The following TSPAN18 variants were observed in gnomAD, a reference collection of about 807,000 sequenced individuals.
TSPAN18 encodes tetraspanin-18.
A neutral mutation model predicts 27.3 loss-of-function variants in TSPAN18; 14 were observed. The ratio of observed to expected loss-of-function variants is 0.51; its 90% confidence interval spans 0.34 to 0.80. The LOEUF is 0.80. Among genes scored for constraint, TSPAN18 ranks in the 30% least tolerant of loss-of-function variants. The probability of loss-of-function intolerance (pLI) is 0.01; values close to 1 mark genes in which losing one functional copy is unlikely to be tolerated. For missense variants in TSPAN18, 268 were observed against 323.9 expected, an observed-to-expected ratio of 0.83 and a Z score of 1.32; for synonymous variants, 143 against 136.5, an observed-to-expected ratio of 1.05 and a Z score of -0.33.
rs377692266 is a variant in TSPAN18, at chr11:44,737,013, C to T, written c.-240+9726C>T. ...GTTTGGTTTTCCATGGAGCCTGCAGCGTGGAGCTCAGTGCCTGGGGTTGAA... is the reference window on the plus strand; with the variant it reads ...GTTTGGTTTTCCATGGAGCCTGCAGTGTGGAGCTCAGTGCCTGGGGTTGAA... On this transcript the variant is annotated intron_variant, in intron 1 of 9. Coordinates refer to ENST00000520358, the MANE Select transcript of TSPAN18 (RefSeq NM_130783.5). Among the ~76,000 whole-genome samples, 23 of 152,298 alleles carry T rather than the reference C, an allele frequency of 1.5e-4. No individual in the cohort carries two copies. In the South Asian group the frequency reaches 2.9e-3, roughly 19 times the overall value.
intron 1 of TSPAN18, among the ~76,000 whole-genome samples, chr11:44,738,709 G>T (rs1019311893): frequency 1.3e-5 from 2 of 152,120 alleles, no homozygotes; most frequent in Non-Finnish European, 2.9e-5. Context: ...ATTGGATTAG[G>T]ACCCTTTAAG....
chr11:44,772,351 G>A (rs958511872), intron 2 of TSPAN18, among the ~76,000 whole-genome samples: 1 of 152,052 alleles, frequency 6.6e-6, no homozygotes, highest in Non-Finnish European at 1.5e-5. Context: ...TAGAATAATG[G>A]CCAGAAAAGA....
At chr11:44,926,858 G>T in intron 9 of TSPAN18, 101 bp downstream of exon 9, 1 of 1,323,528 alleles carries the variant, frequency 7.6e-7, no homozygotes, top group Non-Finnish European at 1.1e-6. Context: ...TCCTTCACCT[G>T]GGACCCAAGG....
At chr11:44,912,088 C>T (rs1345393987) in intron 5 of TSPAN18, among the ~76,000 whole-genome samples, 1 of 151,694 alleles carries the variant, frequency 6.6e-6, no homozygotes, top group East Asian at 1.9e-4. Context: ...GCAGTGTGAT[C>T]TCAGCTCACT....
At chr11:44,802,650 G>A in intron 2 of TSPAN18, among the ~76,000 whole-genome samples, 1 of 124,882 alleles carries the variant, frequency 8.0e-6, no homozygotes, top group Non-Finnish European at 1.8e-5. Flanking sequence ...CTCTGGCAGG[G>A]TGGGCTCAAG....
chr11:44,819,497 C>T (rs962988993), intron 2 of TSPAN18, among the ~76,000 whole-genome samples: 2 of 152,140 alleles, frequency 1.3e-5, no homozygotes, highest in Non-Finnish European at 2.9e-5. Context: ...AATATTTTCA[C>T]ACATTTGCTC....
At chr11:44,825,424 G>A (rs1334581457) in intron 2 of TSPAN18, among the ~76,000 whole-genome samples, 1 of 152,172 alleles carries the variant, frequency 6.6e-6, no homozygotes, top group Non-Finnish European at 1.5e-5. Context: ...CTGGGTGGGA[G>A]CCCCGGTCAG....
chr11:44,846,824 C>T (rs902069233), intron 2 of TSPAN18, among the ~76,000 whole-genome samples: 1 of 152,198 alleles, frequency 6.6e-6, no homozygotes, highest in Non-Finnish European at 1.5e-5. Context: ...TCCTGCTGAA[C>T]ACAGGACTTG....
At chr11:44,801,513 A>C (rs1253489480) in intron 2 of TSPAN18, among the ~76,000 whole-genome samples, 1 of 152,242 alleles carries the variant, frequency 6.6e-6, no homozygotes, top group Non-Finnish European at 1.5e-5. Context: ...ATATCCATAT[A>C]GCATCCAGAG....
At position 44,779,745 on chromosome 11, in the gene TSPAN18, A is replaced by ACCTGTGCACACCTATCCACATG. The variant is rs1187242535; in HGVS notation, c.-153+15242_-153+15263dup. Among the ~76,000 whole-genome samples, 33 of 151,916 alleles carry ACCTGTGCACACCTATCCACATG rather than the reference A, an allele frequency of 2.2e-4. No homozygotes were observed. In the East Asian group the frequency reaches 6.0e-3, roughly 28 times the overall value. The stretch of plus-strand genomic sequence containing the variant: ...ATATATACCTGCACACCCCCCACAT[A>ACCTGTGCACACCTATCCACATG]CCTGTGCACACCTATCCACATGCCT... On this transcript the variant is annotated intron_variant, in intron 2 of 9. Coordinates refer to ENST00000520358, the MANE Select transcript of TSPAN18 (RefSeq NM_130783.5).
At chr11:44,742,302 TCCC>T (rs757495257) in intron 1 of TSPAN18, among the ~76,000 whole-genome samples, 28 of 55,908 alleles carry the variant, frequency 5.0e-4, no homozygotes, top group African/African-American at 7.9e-4. Context: ...CCTCCCTCCC[TCCC>T]TCCCTTTTTT....
intron 2 of TSPAN18, among the ~76,000 whole-genome samples, chr11:44,820,863 C>G (rs946511459): frequency 6.6e-6 from 1 of 152,140 alleles, no homozygotes; most frequent in African/African-American, 2.4e-5. Flanking sequence ...TGCTCCCTCT[C>G]TTGCCATGTG....
chr11:44,745,279 C>A (rs1252341727), intron 1 of TSPAN18, among the ~76,000 whole-genome samples: 1 of 152,152 alleles, frequency 6.6e-6, no homozygotes, highest in African/African-American at 2.4e-5. Flanking sequence ...ATAATTTCAT[C>A]CTGGTGGAGA....
intron 2 of TSPAN18, among the ~76,000 whole-genome samples, chr11:44,776,738 T>C (rs1855818316): frequency 6.6e-6 from 1 of 152,112 alleles, no homozygotes; most frequent in African/African-American, 2.4e-5. Flanking sequence ...GGGATAATGA[T>C]CGAAACCTGC....
intron 3 of TSPAN18, among the ~76,000 whole-genome samples, chr11:44,876,595 C>A (rs1447783124): frequency 6.6e-6 from 1 of 152,086 alleles, no homozygotes; most frequent in East Asian, 1.9e-4. Context: ...TATTGCAGGC[C>A]CAGGTTGTAG....
chr11:44,745,754 G>A (rs947660395), intron 1 of TSPAN18, among the ~76,000 whole-genome samples: 2 of 152,228 alleles, frequency 1.3e-5, no homozygotes, highest in Non-Finnish European at 2.9e-5. Context: ...ATGGCTGGGC[G>A]CGGTGGCTCA....
intron 1 of TSPAN18, among the ~76,000 whole-genome samples, chr11:44,731,313 C>T (rs966355441): frequency 1.3e-5 from 2 of 152,258 alleles, no homozygotes; most frequent in Non-Finnish European, 2.9e-5. Context: ...CTGGATTTGC[C>T]TGTTAGCTTT....
rs769653892 is a variant in TSPAN18 at position 44,860,456 on chromosome 11, C to T, written c.-24C>T. The T allele has an allele frequency of 1.4e-5, 2 of 147,950 alleles. No individual in the cohort carries two copies. The highest frequency in any genetic ancestry group is 5.0e-5 in the African/African-American group (2 of 40,294). 9.2% of individuals were successfully genotyped at this position (147,950 alleles called of 1,614,324 possible). A position where few individuals can be genotyped will look rare whatever the true frequency, so the allele number is the denominator to read the frequency against. ...CATAATCCTTTTGCAGACATCTCAA[C>T]GCTGGCTCTCCAGGTAACAGAGGTT... On this transcript the variant is annotated 5_prime_UTR_variant, in exon 3 of 10. In the 5' UTR this introduces an upstream ATG that the reference lacks. Transcript: ENST00000520358.
intron 3 of TSPAN18, among the ~76,000 whole-genome samples, chr11:44,884,301 G>A (rs928321797): frequency 2.6e-5 from 4 of 152,176 alleles, no homozygotes; most frequent in Non-Finnish European, 5.9e-5. Flanking sequence ...CAGGCGGACC[G>A]AAGCTGCCCA....
Sources: gnomAD v4.1 joint callset for allele counts (sites outside exome capture counted in the v4.1 genomes callset) on GRCh38, gnomAD v4.1.1 for gene constraint, MANE v1.5 for transcripts, NCBI Gene and HGNC (gene_info 2026-07-23, HGNC 2026-07-21) for gene names.